Variants in NBAS observed in about 807,000 individuals in gnomAD.
NBAS encodes NAG/BC035112 fusion.
NBAS carries 219 observed loss-of-function variants against 302.5 expected under a neutral mutation model. That is an observed-to-expected ratio of 0.72 (90% CI 0.65 to 0.81). NBAS has a LOEUF of 0.81. Among genes scored for constraint, NBAS ranks in the 30% least tolerant of loss-of-function variants. The pLI, the probability that NBAS is intolerant of heterozygous loss-of-function variation, is 0.00. For missense variants in NBAS, 2,932 were observed against 2,841.6 expected, an observed-to-expected ratio of 1.03 and a Z score of -0.72; for synonymous variants, 1,118 against 1,021.6, an observed-to-expected ratio of 1.09 and a Z score of -1.80.
chr2:15,048,220 C>G, the NBAS span, among the ~76,000 whole-genome samples: 1 of 152,352 alleles, frequency 6.6e-6, no homozygotes, highest in East Asian at 1.9e-4. Flanking sequence ...GTGGGGACAG[C>G]AAGGCTGGGG....
At chr2:14,929,084 G>A in the NBAS span, among the ~76,000 whole-genome samples, 3 of 152,108 alleles carry the variant, frequency 2.0e-5, no homozygotes, top group Admixed American at 2.0e-4. Context: ...CAGTAGCCAG[G>A]GAGTGGCTAC....
chr2:15,068,695 A>G, the NBAS span, among the ~76,000 whole-genome samples: 2 of 152,254 alleles, frequency 1.3e-5, no homozygotes, highest in South Asian at 2.1e-4. Context: ...TTTCTAAGCA[A>G]TATGCTGACT....
At position 15,524,206 on chromosome 2, in the gene NBAS, G is replaced by A. The variant is rs576808398; in HGVS notation, c.746+10337C>T. Reference sequence around the variant, plus strand: ...TTAAAAATATCTGTGCATGTAAAACGTAAAGCCATCATGCTGCCCTATTCG... The same window carrying A: ...TTAAAAATATCTGTGCATGTAAAACATAAAGCCATCATGCTGCCCTATTCG... On this transcript the variant is annotated intron_variant, in intron 9 of 51. Transcript: ENST00000281513. Among the ~76,000 whole-genome samples, 5 of 152,258 alleles carry A rather than the reference G, an allele frequency of 3.3e-5. No homozygotes were observed. In the East Asian group the frequency reaches 7.7e-4, roughly 24 times the overall value.
At chr2:15,285,367 TTACC>T (rs1669992291) in intron 42 of NBAS, among the ~76,000 whole-genome samples, 1 of 152,198 alleles carries the variant, frequency 6.6e-6, no homozygotes, top group Non-Finnish European at 1.5e-5. Context: ...GTTTCCCCTC[TTACC>T]TACCTCTCCT....
chr2:15,032,626 T>G, the NBAS span, among the ~76,000 whole-genome samples: 2 of 152,108 alleles, frequency 1.3e-5, no homozygotes, highest in South Asian at 2.1e-4. Flanking sequence ...TTTAGAAAAT[T>G]TTTGGCCTAT....
chr2:15,476,443 C>A (rs1483153394), intron 13 of NBAS, among the ~76,000 whole-genome samples: 3 of 152,000 alleles, frequency 2.0e-5, no homozygotes, highest in Non-Finnish European at 2.9e-5. Context: ...GAATTATGGG[C>A]CGGGCACAGT....
the NBAS span, among the ~76,000 whole-genome samples, chr2:14,834,554 A>G: frequency 6.6e-6 from 1 of 152,188 alleles, no homozygotes. Context: ...TTGTTACAAA[A>G]CTGTCTGGAG....
chr2:14,815,574 G>A, the NBAS span, among the ~76,000 whole-genome samples: 3 of 152,108 alleles, frequency 2.0e-5, no homozygotes, highest in Admixed American at 6.5e-5. Flanking sequence ...TTCTCTCTCT[G>A]TTTATTTGTC....
chr2:15,219,834 G>A (rs1473502682), intron 47 of NBAS, among the ~76,000 whole-genome samples: 5 of 144,650 alleles, frequency 3.5e-5, no homozygotes, highest in Middle Eastern at 3.6e-3. Flanking sequence ...CCAATGAGCC[G>A]CTGGGCACAC....
intron 44 of NBAS, among the ~76,000 whole-genome samples, chr2:15,274,906 A>G (rs1384827931): frequency 6.6e-6 from 1 of 151,498 alleles, no homozygotes; most frequent in Non-Finnish European, 1.5e-5. Context: ...CTGGGACTAC[A>G]GGTGCATACC....
intron 9 of NBAS, among the ~76,000 whole-genome samples, chr2:15,532,585 G>A (rs750848475): frequency 1.5e-4 from 23 of 151,812 alleles, no homozygotes; most frequent in Middle Eastern, 3.4e-3. Context: ...CATACTCGTG[G>A]TAGAGTAAGA....
intron 19 of NBAS, among the ~76,000 whole-genome samples, chr2:15,466,162 T>A (rs371752694): frequency 8.5e-5 from 13 of 152,144 alleles, no homozygotes; most frequent in African/African-American, 2.9e-4. Context: ...ATTTCAATTA[T>A]ATTAGCAGGG....
intron 38 of NBAS, among the ~76,000 whole-genome samples, chr2:15,316,251 C>T (rs1003057827): frequency 6.6e-6 from 1 of 152,208 alleles, no homozygotes. Flanking sequence ...ACTCTCCCCC[C>T]GTTCCAAGAC....
chr2:15,538,587 A>G (rs183519001), intron 7 of NBAS, among the ~76,000 whole-genome samples: 1 of 152,294 alleles, frequency 6.6e-6, no homozygotes, highest in Non-Finnish European at 1.5e-5. Flanking sequence ...CCAGAGTGAG[A>G]ACCACTGTTC....
chr2:15,085,348 A>T, the NBAS span, among the ~76,000 whole-genome samples: 1 of 151,858 alleles, frequency 6.6e-6, no homozygotes, highest in African/African-American at 2.4e-5. Context: ...GCACAGGGCC[A>T]CCTGGGGCTG....
intron 11 of NBAS, among the ~76,000 whole-genome samples, chr2:15,490,521 C>T (rs1680810206): frequency 6.6e-6 from 1 of 152,152 alleles, no homozygotes; most frequent in South Asian, 2.1e-4. Flanking sequence ...AAGTACAAGA[C>T]AAAGGGCCTG....
the NBAS span, among the ~76,000 whole-genome samples, chr2:14,994,178 G>T: frequency 6.6e-6 from 1 of 152,138 alleles, no homozygotes; most frequent in Non-Finnish European, 1.5e-5. Context: ...TTCATAACAT[G>T]TGCTCAATAA....
the NBAS span, among the ~76,000 whole-genome samples, chr2:14,968,208 A>G: frequency 6.6e-6 from 1 of 152,220 alleles, no homozygotes; most frequent in Non-Finnish European, 1.5e-5. Context: ...AGGGGGCCCC[A>G]TTCCACTTCC....
the NBAS span, among the ~76,000 whole-genome samples, chr2:14,806,165 T>C: frequency 6.6e-6 from 1 of 152,184 alleles, no homozygotes; most frequent in East Asian, 1.9e-4. Context: ...GAGAGCTTCA[T>C]TTCTAACAAG....
Sources: allele counts gnomAD v4.1 joint callset (sites outside exome capture counted in the v4.1 genomes callset), GRCh38; gene constraint gnomAD v4.1.1; transcripts MANE v1.5; gene names NCBI Gene and HGNC (gene_info 2026-07-23, HGNC 2026-07-21).